CNTN4: variants seen among roughly 807,000 people sequenced by gnomAD.
CNTN4 encodes contactin-4.
In CNTN4, 77 loss-of-function variants were observed where a neutral mutation model predicts 122.5. The ratio of observed to expected loss-of-function variants is 0.63; its 90% CI spans 0.52 to 0.76. The LOEUF (loss-of-function observed/expected upper bound fraction) is 0.76, where lower values mean the gene tolerates loss of function less well. Among genes scored for constraint, CNTN4 ranks in the 30% least tolerant of loss-of-function variants. CNTN4 has a pLI of 0.00. For synonymous variants in CNTN4, 512 were observed against 447.0 expected, an observed-to-expected ratio of 1.15 and a Z score of -1.83; for missense variants, 1,256 against 1,259.1, an observed-to-expected ratio of 1.00 and a Z score of 0.04.
At chr3:2,806,834 G>A (rs2675313) in intron 6 of CNTN4, among the ~76,000 whole-genome samples, 18,626 of 151,996 alleles carry the variant, frequency 0.12, 1,494 homozygotes, top group East Asian at 0.41. Flanking sequence ...GTTGGCAAAG[G>A]GGGGAGTGAT....
At chr3:2,515,285 C>T (rs1220605773) in intron 3 of CNTN4, among the ~76,000 whole-genome samples, 1 of 152,034 alleles carries the variant, frequency 6.6e-6, no homozygotes, top group Non-Finnish European at 1.5e-5. Context: ...TGTTGTTAAT[C>T]TTATACTCTA....
At position 2,245,391 on chromosome 3, in the gene CNTN4, A is replaced by G. The variant is rs140636066; in HGVS notation, c.-144-93787A>G. Among the ~76,000 whole-genome samples, 923 of 152,152 alleles carry G rather than the reference A, an allele frequency of 6.1e-3. 12 individuals carry two copies. The highest frequency in any genetic ancestry group is 0.021 in the African/African-American group (872 of 41,550). ...GTTATTCATTCTGGCAATAAGACGA[A>G]TAATACAGCCAGGTTGGTGAATATC... On this transcript the variant is annotated intron_variant, in intron 2 of 24. Coordinates refer to ENST00000418658, the MANE Select transcript of CNTN4 (RefSeq NM_175607.3).
chr3:2,508,217 T>C (rs2076788408), intron 3 of CNTN4, among the ~76,000 whole-genome samples: 1 of 152,184 alleles, frequency 6.6e-6, no homozygotes, highest in Non-Finnish European at 1.5e-5. Flanking sequence ...GAAGGTTCAA[T>C]CATTGCTGCA....
rs543027620 is a variant in CNTN4, at chr3:2,889,059, G to A, written c.940+1835G>A. 2.0e-5 allele frequency among the ~76,000 whole-genome samples: 3 copies of A among 152,190 alleles called. No homozygotes were observed. The East Asian group carries it at 5.8e-4, about 29-fold the overall frequency. ...GGAGGGAAAGGGAAAAAGGAAGGAA[G>A]GAAGGAATAAAAGAAAAAGCTATGG... On this transcript the variant is annotated intron_variant, in intron 10 of 24. Transcript: ENST00000418658.
chr3:2,597,550 T>G (rs1380049101), intron 4 of CNTN4, among the ~76,000 whole-genome samples: 2 of 152,142 alleles, frequency 1.3e-5, no homozygotes, highest in Non-Finnish European at 2.9e-5. Flanking sequence ...ATGCATCTGG[T>G]GTCTGTAACC....
chr3:2,892,499 C>T lies in CNTN4; in HGVS notation c.940+5275C>T, dbSNP rs551004054. Reference sequence around the variant, plus strand: ...GTCTACACAAAGTAGAATGAGAGCGCTAAGGCAATTATCTTTGAAGAAAGG... The same window carrying T: ...GTCTACACAAAGTAGAATGAGAGCGTTAAGGCAATTATCTTTGAAGAAAGG... On this transcript the variant is annotated intron_variant, in intron 10 of 24. Transcript: ENST00000418658. Among the ~76,000 whole-genome samples, 31 of 152,270 alleles carry T rather than the reference C, an allele frequency of 2.0e-4. No individual in the cohort carries two copies. In the East Asian group the frequency reaches 6.0e-3, roughly 29 times the overall value.
chr3:2,424,468 A>G (rs750471374), intron 3 of CNTN4, among the ~76,000 whole-genome samples: 4 of 152,100 alleles, frequency 2.6e-5, no homozygotes, highest in Non-Finnish European at 5.9e-5. Flanking sequence ...TCTATCATTG[A>G]TGGAGATTTG....
chr3:2,317,841 C>A (rs2043157423), intron 2 of CNTN4, among the ~76,000 whole-genome samples: 1 of 152,284 alleles, frequency 6.6e-6, no homozygotes, highest in Non-Finnish European at 1.5e-5. Flanking sequence ...AGAGAGCTGG[C>A]ATCCCTTTTT....
chr3:2,287,685 GAAGAAGAGGAAGAAGAAGAA>G lies in CNTN4; in HGVS notation c.-144-51492_-144-51473del, dbSNP rs1559415654. On this transcript the variant is annotated intron_variant, in intron 2 of 24. Coordinates refer to ENST00000418658, the MANE Select transcript of CNTN4 (RefSeq NM_175607.3). ...AGAAGAAGAAGAAGAAGAAGAAGAA[GAAGAAGAGGAAGAAGAAGAA>G]GAAGAGGAAGAAGAAGAAGAAGAAG... 1.1e-4 allele frequency among the ~76,000 whole-genome samples: 10 copies of G among 90,140 alleles called. No homozygotes were observed. The South Asian group carries it at 2.2e-3, about 20-fold the overall frequency. The allele number at this position is 90,140 out of a possible 152,430, so 59.1% of individuals were successfully genotyped here. A position where few individuals can be genotyped will look rare whatever the true frequency, so the allele number is the denominator to read the frequency against.
At chr3:2,399,000 G>A (rs184708654) in intron 3 of CNTN4, among the ~76,000 whole-genome samples, 85 of 152,118 alleles carry the variant, frequency 5.6e-4, no homozygotes, top group African/African-American at 1.9e-3. Context: ...AACCCATATG[G>A]TAACTTAGGA....
At chr3:2,954,177 A>T (rs2094775200) in intron 13 of CNTN4, among the ~76,000 whole-genome samples, 1 of 152,168 alleles carries the variant, frequency 6.6e-6, no homozygotes, top group Admixed American at 6.5e-5. Context: ...CCTTATCTTG[A>T]TTGCCTAGAC....
chr3:2,717,391 CT>C (rs751336026), intron 4 of CNTN4, among the ~76,000 whole-genome samples: 34 of 152,264 alleles, frequency 2.2e-4, no homozygotes, highest in Admixed American at 5.2e-4. Context: ...GGGTACTAGT[CT>C]TTAATAAGTG....
chr3:3,025,785 G>A (rs1698674097), intron 14 of CNTN4, among the ~76,000 whole-genome samples: 1 of 152,142 alleles, frequency 6.6e-6, no homozygotes, highest in South Asian at 2.1e-4. Flanking sequence ...CCTTTTCAAA[G>A]AGGCAATTCA....
intron 3 of CNTN4, among the ~76,000 whole-genome samples, chr3:2,531,176 C>T (rs561566188): frequency 1.2e-4 from 18 of 152,272 alleles, no homozygotes; most frequent in African/African-American, 2.6e-4. Flanking sequence ...TGGAAAACAA[C>T]GGCAGGTCTT....
chr3:2,287,691 GAGGAAGAAGAAGAAGAAGAGGAAGAAGAA>G (rs1240580277), intron 2 of CNTN4, among the ~76,000 whole-genome samples: 3 of 92,074 alleles, frequency 3.3e-5, no homozygotes, highest in African/African-American at 1.3e-4. Context: ...AGAAGAAGAA[GAGGAAGAAGAAGAAGAAGAGGAAGAAGAA>G]GAAGAAGAAG....
At chr3:2,830,563 A>G (rs942752394) in intron 7 of CNTN4, among the ~76,000 whole-genome samples, 2 of 152,208 alleles carry the variant, frequency 1.3e-5, no homozygotes, top group African/African-American at 4.8e-5. Context: ...AAGAGTCTGG[A>G]GATGTGAAAA....
intron 6 of CNTN4, among the ~76,000 whole-genome samples, chr3:2,762,457 A>G (rs1277086964): frequency 2.0e-5 from 3 of 152,192 alleles, no homozygotes; most frequent in Non-Finnish European, 4.4e-5. Flanking sequence ...AAGTAAGAAC[A>G]TGCAGTGTTT....
chr3:3,024,305 A>G (rs912338862), intron 14 of CNTN4, among the ~76,000 whole-genome samples: 1 of 151,562 alleles, frequency 6.6e-6, no homozygotes, highest in African/African-American at 2.4e-5. Context: ...TAAAAACGTC[A>G]AATGACATGT....
At chr3:2,726,849 A>G (rs1397774086) in intron 4 of CNTN4, among the ~76,000 whole-genome samples, 3 of 152,154 alleles carry the variant, frequency 2.0e-5, no homozygotes, top group Non-Finnish European at 4.4e-5. Flanking sequence ...GCATGCATTC[A>G]TATTGGCTTA....
Sources: allele counts gnomAD v4.1 joint callset (sites outside exome capture counted in the v4.1 genomes callset), GRCh38; gene constraint gnomAD v4.1.1; transcripts MANE v1.5; gene names NCBI Gene and HGNC (gene_info 2026-07-23, HGNC 2026-07-21).